Variants in ZDHHC14 observed in about 807,000 individuals in gnomAD.
The protein encoded by ZDHHC14 is zDHHC palmitoyltransferase 14, also known as palmitoyltransferase ZDHHC14.
Under a neutral mutation model 47.7 loss-of-function variants are expected in ZDHHC14, and 16 were observed. The ratio of observed to expected loss-of-function variants is 0.34; its 90% CI spans 0.23 to 0.51. The LOEUF (loss-of-function observed/expected upper bound fraction) is 0.51. Among genes scored for constraint, ZDHHC14 ranks in the 20% least tolerant of loss-of-function variants. The pLI is 0.97. For missense variants in ZDHHC14, 515 were observed against 662.5 expected (o/e 0.78, Z 2.44); for synonymous variants, 293 against 278.9 (o/e 1.05, Z -0.50).
chr6:157,629,022 C>T (rs1320415639), intron 4 of ZDHHC14, among the ~76,000 whole-genome samples: 2 of 152,176 alleles, frequency 1.3e-5, no homozygotes, highest in Admixed American at 1.3e-4. Context: ...TAAAAACATA[C>T]ATTTGACAAG....
chr6:157,666,497 A>G (rs1181868218), intron 8 of ZDHHC14, among the ~76,000 whole-genome samples: 1 of 152,234 alleles, frequency 6.6e-6, no homozygotes, highest in Non-Finnish European at 1.5e-5. Flanking sequence ...CTGCACCTGC[A>G]TTTTAGGTGG....
At chr6:157,662,478 A>G (rs144912669) in intron 8 of ZDHHC14, among the ~76,000 whole-genome samples, 3,096 of 152,386 alleles carry the variant, frequency 0.02, 50 homozygotes, top group Non-Finnish European at 0.03. Flanking sequence ...CCCCGCGCCC[A>G]GCCTGGAGGT....
At chr6:157,437,724 A>G (rs1778469755) in intron 1 of ZDHHC14, among the ~76,000 whole-genome samples, 1 of 152,240 alleles carries the variant, frequency 6.6e-6, no homozygotes, top group South Asian at 2.1e-4. Context: ...CAACAGTGTT[A>G]GTTGATTGCT....
intron 1 of ZDHHC14, among the ~76,000 whole-genome samples, chr6:157,398,090 C>CG (rs995359436): frequency 6.6e-6 from 1 of 151,692 alleles, no homozygotes; most frequent in African/African-American, 2.4e-5. Context: ...CCCCAGCCCC[C>CG]CCCGGCTCCC....
chr6:157,483,051 A>G (rs1779672733), intron 1 of ZDHHC14, among the ~76,000 whole-genome samples: 1 of 152,188 alleles, frequency 6.6e-6, no homozygotes, highest in Non-Finnish European at 1.5e-5. Flanking sequence ...CTTCAAAATA[A>G]TTTTAGAGTG....
At chr6:157,618,480 C>A (rs1347340051) in intron 3 of ZDHHC14, among the ~76,000 whole-genome samples, 2 of 152,220 alleles carry the variant, frequency 1.3e-5, no homozygotes, top group Admixed American at 1.3e-4. Context: ...TGCCACCACA[C>A]CCAGCTAATT....
intron 2 of ZDHHC14, among the ~76,000 whole-genome samples, chr6:157,590,064 T>A (rs1388738305): frequency 6.6e-6 from 1 of 152,196 alleles, no homozygotes; most frequent in Non-Finnish European, 1.5e-5. Context: ...CCCTAGAGAT[T>A]TGTGGAACTT....
chr6:157,404,595 A>G (rs965343429), intron 1 of ZDHHC14, among the ~76,000 whole-genome samples: 2 of 152,138 alleles, frequency 1.3e-5, no homozygotes, highest in Non-Finnish European at 2.9e-5. Flanking sequence ...CTGTCTCTCT[A>G]AAGTGCCCAT....
chr6:157,632,689 G>C, intron 4 of ZDHHC14, 145 bp from the exon 5 acceptor site: 1 of 806,300 alleles, frequency 1.2e-6, no homozygotes, highest in South Asian at 1.6e-5. Flanking sequence ...CTCAATCTCT[G>C]ATCGGTAAAC....
At chr6:157,622,216 CAAAAAAA>C (rs35681787) in intron 3 of ZDHHC14, among the ~76,000 whole-genome samples, 91 of 93,860 alleles carry the variant, frequency 9.7e-4, no homozygotes, top group African/African-American at 1.7e-3. Context: ...ACTAAAAATA[CAAAAAAA>C]AAAAAAAAAA....
chr6:157,415,260 A>T (rs1011212875), intron 1 of ZDHHC14, among the ~76,000 whole-genome samples: 2 of 152,184 alleles, frequency 1.3e-5, no homozygotes, highest in African/African-American at 4.8e-5. Flanking sequence ...TGTAACTAAT[A>T]TTGTCATAAC....
At chr6:157,412,948 A>G (rs1180655414) in intron 1 of ZDHHC14, among the ~76,000 whole-genome samples, 1 of 152,206 alleles carries the variant, frequency 6.6e-6, no homozygotes, top group Admixed American at 6.5e-5. Flanking sequence ...TTTCAAGGAC[A>G]TATGTTTTAG....
chr6:157,412,856 G>A (rs1562415245), intron 1 of ZDHHC14, among the ~76,000 whole-genome samples: 2 of 152,216 alleles, frequency 1.3e-5, no homozygotes, highest in African/African-American at 4.8e-5. Context: ...TGAGGATATA[G>A]CGTTGGGAAA....
intron 2 of ZDHHC14, among the ~76,000 whole-genome samples, chr6:157,590,274 T>C (rs999610378): frequency 2.0e-5 from 3 of 151,918 alleles, no homozygotes; most frequent in African/African-American, 4.8e-5. Context: ...ACCAAGACAA[T>C]GGGGAAAATG....
chr6:157,527,951 A>C (rs903475290), intron 1 of ZDHHC14, among the ~76,000 whole-genome samples: 6 of 152,140 alleles, frequency 3.9e-5, no homozygotes, highest in Non-Finnish European at 8.8e-5. Flanking sequence ...TTGATTCTCC[A>C]ACTTTGCCAT....
intron 1 of ZDHHC14, among the ~76,000 whole-genome samples, chr6:157,531,999 C>T (rs183301053): frequency 6.6e-6 from 1 of 152,390 alleles, no homozygotes; most frequent in Non-Finnish European, 1.5e-5. Flanking sequence ...TAAAGCTGTG[C>T]TCACTGCCTG....
intron 5 of ZDHHC14, 91 bp downstream of exon 5, chr6:157,632,973 G>A (rs1257953623): frequency 1.2e-5 from 17 of 1,376,346 alleles, no homozygotes; most frequent in Admixed American, 5.0e-5. Flanking sequence ...CTTCTGCCCC[G>A]GCCTTGCTTC....
intron 1 of ZDHHC14, among the ~76,000 whole-genome samples, chr6:157,461,235 C>T (rs995389519): frequency 3.3e-5 from 5 of 152,140 alleles, no homozygotes; most frequent in African/African-American, 1.2e-4. Flanking sequence ...TTCTAACCAC[C>T]ACTGATACAA....
intron 1 of ZDHHC14, among the ~76,000 whole-genome samples, chr6:157,395,459 C>T (rs1777502539): frequency 6.6e-6 from 1 of 151,930 alleles, no homozygotes; most frequent in South Asian, 2.1e-4. Context: ...AGCCACCACA[C>T]CTAGCCTTTC....
Sources: gnomAD v4.1 joint callset for allele counts (sites outside exome capture counted in the v4.1 genomes callset) on GRCh38, gnomAD v4.1.1 for gene constraint, MANE v1.5 for transcripts, NCBI Gene and HGNC (gene_info 2026-07-23, HGNC 2026-07-21) for gene names.